Variants in GPR83 observed in about 807,000 individuals in gnomAD.
GPR83 encodes the protein G-protein coupled receptor 72.
A neutral mutation model predicts 28.0 loss-of-function variants in GPR83; 23 were observed. The observed-to-expected ratio is 0.82, with a 90% confidence interval of 0.59 to 1.16. The LOEUF (loss-of-function observed/expected upper bound fraction) is 1.16. Among genes scored for constraint, GPR83 ranks in the 50% most tolerant of loss-of-function variants. The pLI is 0.00. For missense variants in GPR83, 610 were observed against 536.6 expected (o/e 1.14, Z -1.35); for synonymous variants, 234 against 215.4 (o/e 1.09, Z -0.76).
intron 3 of GPR83, among the ~76,000 whole-genome samples, chr11:94,385,602 T>C (rs1944746052): frequency 1.3e-5 from 2 of 152,126 alleles, no homozygotes; most frequent in Admixed American, 6.5e-5. Flanking sequence ...GTATCAGTGA[T>C]GGAAGATCAA....
At chr11:94,400,443 G>A (rs1168547338) in intron 1 of GPR83, among the ~76,000 whole-genome samples, 1 of 151,082 alleles carries the variant, frequency 6.6e-6, no homozygotes, top group Non-Finnish European at 1.5e-5. Flanking sequence ...GAGAGGAGAG[G>A]AGAGGAGAGA....
chr11:94,385,917 C>T (rs964019923), intron 3 of GPR83, among the ~76,000 whole-genome samples: 23 of 151,956 alleles, frequency 1.5e-4, no homozygotes, highest in South Asian at 6.2e-4. Flanking sequence ...GAAGTTGAAA[C>T]GAAGGAAAAA....
At chr11:94,388,016 C>G (rs2134688661) in intron 3 of GPR83, among the ~76,000 whole-genome samples, 2 of 152,272 alleles carry the variant, frequency 1.3e-5, no homozygotes, top group East Asian at 3.9e-4. Flanking sequence ...AAGGCTGGTT[C>G]AACATATACA....
At chr11:94,389,786 G>C (rs1944796955) in intron 3 of GPR83, among the ~76,000 whole-genome samples, 1 of 152,170 alleles carries the variant, frequency 6.6e-6, no homozygotes. Flanking sequence ...TCTAGAACTA[G>C]AAATACCATT....
chr11:94,401,201 G>C lies in GPR83; in HGVS notation c.47C>G (p.Ala16Gly). The change falls in exon 1 of 4, where the codon GCC becomes GGC. Residue 16 changes from alanine to glycine, a missense_variant. Ala to Gly is a moderately conservative substitution (Grantham distance 60, BLOSUM62 0). Coordinates refer to ENST00000243673, the MANE Select transcript of GPR83 (RefSeq NM_016540.4). The part of the protein sequence containing the change: ...LLLCLLPLVR[A>G]TEPHEGRADE... ...GGCCCGGCCCTCGTGGGGCTCGGTG[G>C]CTCGCACCAAGGGGAGGAGACAGAG... 2 of 1,612,768 alleles carry C rather than the reference G, an allele frequency of 1.2e-6. No homozygotes were observed. Among genetic ancestry groups the C allele is most frequent in the Non-Finnish European group, 1.7e-6 (2 of 1,179,596 alleles).
chr11:94,394,618 G>A (rs1004347335), intron 2 of GPR83, among the ~76,000 whole-genome samples: 1 of 152,166 alleles, frequency 6.6e-6, no homozygotes, highest in South Asian at 2.1e-4. Flanking sequence ...CATTCTGGCT[G>A]TGTCTCGAGC....
chr11:94,396,960 T>C (rs1365437378), intron 1 of GPR83, among the ~76,000 whole-genome samples: 1 of 151,920 alleles, frequency 6.6e-6, no homozygotes, highest in Non-Finnish European at 1.5e-5. Context: ...CAAAACACAA[T>C]GTCTGGCAGA....
chr11:94,390,028 G>A (rs1022643951), intron 3 of GPR83, among the ~76,000 whole-genome samples: 2 of 152,164 alleles, frequency 1.3e-5, no homozygotes, highest in Non-Finnish European at 2.9e-5. Flanking sequence ...TGGGGACATG[G>A]ATTAAGCTTG....
chr11:94,400,526 T>C (rs1430559364), intron 1 of GPR83, among the ~76,000 whole-genome samples: 1 of 109,392 alleles, frequency 9.1e-6, no homozygotes, highest in African/African-American at 3.7e-5. Flanking sequence ...CAGAGACAGA[T>C]GAATAGGGAG....
At chr11:94,399,942 G>T (rs1484025428) in intron 1 of GPR83, among the ~76,000 whole-genome samples, 1 of 152,128 alleles carries the variant, frequency 6.6e-6, no homozygotes, top group Non-Finnish European at 1.5e-5. Flanking sequence ...CTGCCAATGT[G>T]CAAATGCCCC....
intron 1 of GPR83, 21 bp downstream of exon 1, chr11:94,400,840 G>A (rs1368766709): frequency 3.7e-6 from 6 of 1,607,562 alleles, no homozygotes; most frequent in Non-Finnish European, 5.1e-6. Flanking sequence ...AAGGTGGGGC[G>A]GCAGGCAGCG....
At position 94,400,758 on chromosome 11, in the gene GPR83, G is replaced by A. The variant is rs1386829277; in HGVS notation, c.387+103C>T. 5.1e-6 allele frequency: 5 copies of A among 975,876 alleles called. No homozygotes were observed. In the East Asian group the frequency reaches 9.6e-5, roughly 19 times the overall value. The allele number at this position is 975,876 out of a possible 1,614,324, so 60.5% of individuals were successfully genotyped here. On this transcript the variant is annotated intron_variant, in intron 1 of 3. Transcript: ENST00000243673. ...GAAGAGAGATGTGGAGAGAGAAGTG[G>A]GGACCCACAGGGAGACGCAGAACGG...
intron 3 of GPR83, among the ~76,000 whole-genome samples, chr11:94,385,769 A>G (rs1217602509): frequency 6.6e-6 from 1 of 152,216 alleles, no homozygotes; most frequent in East Asian, 1.9e-4. Context: ...GTTGGAAAAC[A>G]CTCTGCAGGA....
chr11:94,389,905 G>A (rs1157011557), intron 3 of GPR83, among the ~76,000 whole-genome samples: 1 of 152,186 alleles, frequency 6.6e-6, no homozygotes, highest in Non-Finnish European at 1.5e-5. Flanking sequence ...CAATAGCAAA[G>A]ACTTGGAGCC....
At chr11:94,384,030 A>G (rs913835724) in intron 3 of GPR83, among the ~76,000 whole-genome samples, 1 of 152,212 alleles carries the variant, frequency 6.6e-6, no homozygotes, top group Non-Finnish European at 1.5e-5. Flanking sequence ...GACACAACAA[A>G]AAAAAAGAAA....
rs1289743233 is a variant in GPR83 at position 94,380,331 on chromosome 11, G to C, written c.1090C>G (p.Gln364Glu). ...TCCTCCTGAGGCTTGGGAGGTCTTT[G>C]ACACATGCTCAGTAATGCCTTTAGC... is the stretch of plus-strand genomic sequence containing the variant. The part of the protein sequence containing the change: ...IELKALLSMC[Q>E]RPPKPQEDRP... Residue 364 changes from glutamine to glutamate, a missense_variant, in exon 4 of 4, where the codon CAA (glutamine) becomes GAA (glutamate). Physicochemically the swap from Gln to Glu is conservative, Grantham distance 29 (BLOSUM62 2). Transcript: ENST00000243673. The C allele has an allele frequency of 1.9e-6, 3 of 1,613,248 alleles. No homozygotes were observed. Among genetic ancestry groups the C allele is most frequent in the Non-Finnish European group, 2.5e-6 (3 of 1,179,410 alleles).
Position 94,383,680 on chromosome 11 carries a change from C to T in GPR83, c.648-2907G>A, listed in dbSNP as rs1944716889. Among the ~76,000 whole-genome samples the T allele has an allele frequency of 2.6e-5, 4 of 152,306 alleles. No homozygotes were observed. The South Asian group carries it at 8.3e-4, about 32-fold the overall frequency. Reference sequence around the variant, plus strand: ...ACCACTGATCCCACAGAAATACAAACTCCGATCACAGAATACTATAAACAC... The same window carrying T: ...ACCACTGATCCCACAGAAATACAAATTCCGATCACAGAATACTATAAACAC... On this transcript the variant is annotated intron_variant, in intron 3 of 3. Coordinates refer to ENST00000243673, the MANE Select transcript of GPR83 (RefSeq NM_016540.4).
At chr11:94,391,332 A>G (rs1417616507) in intron 3 of GPR83, among the ~76,000 whole-genome samples, 2 of 152,220 alleles carry the variant, frequency 1.3e-5, no homozygotes, top group Admixed American at 6.5e-5. Context: ...CTCAAGATGG[A>G]TCAAAGACTT....
intron 3 of GPR83, among the ~76,000 whole-genome samples, chr11:94,387,609 C>T (rs1014973324): frequency 5.9e-5 from 9 of 152,038 alleles, no homozygotes; most frequent in Admixed American, 2.0e-4. Flanking sequence ...ACACATACAC[C>T]CTCCCAAGAC....
Sources: allele counts gnomAD v4.1 joint callset (sites outside exome capture counted in the v4.1 genomes callset), GRCh38; gene constraint gnomAD v4.1.1; transcripts MANE v1.5; gene names NCBI Gene and HGNC (gene_info 2026-07-23, HGNC 2026-07-21).